Variants in ADAM22 observed in about 807,000 individuals in gnomAD.
ADAM22 encodes ADAM metallopeptidase domain 22.
ADAM22 carries 65 observed loss-of-function variants against 144.6 expected under a neutral mutation model. That is an observed-to-expected ratio of 0.45 (90% CI 0.37 to 0.55). The LOEUF is 0.55. Among genes scored for constraint, ADAM22 ranks in the 20% least tolerant of loss-of-function variants. The probability of loss-of-function intolerance (pLI) is 0.00; values close to 1 mark genes in which losing one functional copy is unlikely to be tolerated. For missense variants in ADAM22, 974 were observed against 1,184.9 expected, an observed-to-expected ratio of 0.82 and a Z score of 2.61; for synonymous variants, 391 against 412.6, an observed-to-expected ratio of 0.95 and a Z score of 0.63.
At chr7:87,985,285 C>T (rs923068676) in intron 3 of ADAM22, among the ~76,000 whole-genome samples, 1 of 151,396 alleles carries the variant, frequency 6.6e-6, no homozygotes, top group Non-Finnish European at 1.5e-5. Context: ...TGCACTTCAT[C>T]CTGGGCGACA....
At chr7:88,168,905 T>C (rs1484882957) in intron 25 of ADAM22, among the ~76,000 whole-genome samples, 1 of 152,194 alleles carries the variant, frequency 6.6e-6, no homozygotes, top group African/African-American at 2.4e-5. Context: ...AGCACATTTT[T>C]CCTCATGGAT....
rs759099326 is a variant in ADAM22, at chr7:88,119,679, G to A, written c.607+2865G>A. On this transcript the variant is annotated intron_variant, in intron 7 of 31. Transcript: ENST00000413139. ...AATTTTTGTATTTTTAGTAGAGACA[G>A]GGTTTCACCATGTTGGTCAGGCTGG... is the stretch of plus-strand genomic sequence containing the variant. Among the ~76,000 whole-genome samples, 189 of 152,288 alleles carry A rather than the reference G, an allele frequency of 1.2e-3. 1 individual carries two copies. Among genetic ancestry groups the A allele is most frequent in the Non-Finnish European group, 2.1e-3 (143 of 68,012 alleles).
chr7:88,181,688 C>A, intron 28 of ADAM22, 83 bp downstream of exon 28: 1 of 1,179,014 alleles, frequency 8.5e-7, no homozygotes, highest in Non-Finnish European at 1.2e-6. Context: ...ACTTTTATTT[C>A]TTTGAAGCTC....
At chr7:88,003,058 A>G (rs146953978) in intron 3 of ADAM22, among the ~76,000 whole-genome samples, 2 of 152,362 alleles carry the variant, frequency 1.3e-5, no homozygotes, top group East Asian at 3.9e-4. Flanking sequence ...GGATCAGAAT[A>G]AAAAGAGTTG....
chr7:88,006,440 C>T (rs1042724105), intron 3 of ADAM22, among the ~76,000 whole-genome samples: 6 of 151,976 alleles, frequency 3.9e-5, no homozygotes, highest in Non-Finnish European at 7.4e-5. Context: ...TGGGCAGAGA[C>T]ACAACCAAAA....
Position 88,184,447 on chromosome 7 carries a change from C to T in ADAM22, c.2664-2168C>T. ...TTCATTCTGGGCTGCCACTTAATCTCCTTACAAGTCCTTTCCTTGGCTGAG... is the reference window on the plus strand; with the variant it reads ...TTCATTCTGGGCTGCCACTTAATCTTCTTACAAGTCCTTTCCTTGGCTGAG... On this transcript the variant is annotated intron_variant, in intron 29 of 31. Transcript: ENST00000413139. 2 of 325,180 alleles carry T rather than the reference C, an allele frequency of 6.2e-6. 1 individual carries two copies. Among genetic ancestry groups the T allele is most frequent in the South Asian group, 4.4e-5 (2 of 45,080 alleles). 20.1% of individuals were successfully genotyped at this position (325,180 alleles called of 1,614,324 possible).
At chr7:88,082,113 A>G (rs895426762) in intron 4 of ADAM22, among the ~76,000 whole-genome samples, 2 of 152,222 alleles carry the variant, frequency 1.3e-5, no homozygotes, top group African/African-American at 4.8e-5. Flanking sequence ...TAACCAAAAC[A>G]GTATGGTACT....
intron 5 of ADAM22, among the ~76,000 whole-genome samples, chr7:88,113,551 A>C (rs1826622103): frequency 1.3e-5 from 2 of 149,678 alleles, no homozygotes; most frequent in African/African-American, 4.9e-5. Context: ...GGCCCTAGGA[A>C]GTGCCCACCT....
chr7:88,058,428 T>A (rs1053472415), intron 3 of ADAM22, among the ~76,000 whole-genome samples: 2 of 152,258 alleles, frequency 1.3e-5, no homozygotes, highest in African/African-American at 4.8e-5. Flanking sequence ...TGGTTATTTA[T>A]GCTTTATAGC....
chr7:87,997,475 A>G, intron 3 of ADAM22, among the ~76,000 whole-genome samples: 1 of 152,222 alleles, frequency 6.6e-6, no homozygotes, highest in Non-Finnish European at 1.5e-5. Flanking sequence ...TCACAGGCCT[A>G]AGTCATCTGG....
At chr7:88,192,849 A>G (rs1046892980) in intron 30 of ADAM22, among the ~76,000 whole-genome samples, 1 of 152,184 alleles carries the variant, frequency 6.6e-6, no homozygotes, top group Non-Finnish European at 1.5e-5. Flanking sequence ...TATCTATTCT[A>G]TAGGATACAT....
chr7:87,994,028 CAAT>C (rs973280429), intron 3 of ADAM22, among the ~76,000 whole-genome samples: 4 of 152,112 alleles, frequency 2.6e-5, no homozygotes, highest in South Asian at 2.1e-4. Context: ...TGTTTATAAT[CAAT>C]AATAATAATC....
chr7:88,037,769 C>T (rs192994708), intron 3 of ADAM22, among the ~76,000 whole-genome samples: 238 of 152,162 alleles, frequency 1.6e-3, no homozygotes, highest in African/African-American at 5.4e-3. Context: ...CTTTCTATAC[C>T]TTATACACAC....
rs777243451 is a variant in ADAM22, at chr7:88,150,965, G to A, written c.1567-16G>A. 6.2e-7 allele frequency: 1 copy of A among 1,607,968 alleles called. No homozygotes were observed. Among genetic ancestry groups the A allele is most frequent in the Non-Finnish European group, 8.5e-7 (1 of 1,175,002 alleles). On this transcript the variant is annotated splice_polypyrimidine_tract_variant and intron_variant, in intron 18 of 31. Coordinates refer to ENST00000413139, the MANE Select transcript of ADAM22 (RefSeq NM_001324418.2). ...TTTGCACTGCATTTCATTCATAGTT[G>A]TTCTCTTTTTCCTAGTGTGCCCCTA...
intron 6 of ADAM22, 39 bp from the exon 7 acceptor site, chr7:88,116,706 G>T: frequency 6.5e-7 from 1 of 1,541,540 alleles, no homozygotes; most frequent in Non-Finnish European, 9.0e-7. Flanking sequence ...AGATAATCCT[G>T]TTGTACATGC....
rs538566174 is a variant in ADAM22, at chr7:88,016,244, A to G, written c.323+37832A>G. On this transcript the variant is annotated intron_variant, in intron 3 of 31. Transcript: ENST00000413139. The stretch of plus-strand genomic sequence containing the variant: ...TTCTTGATTTTTTTCTAGGAATGTA[A>G]CATTTTCTAATTGTATTTCTGTTTT... 2.0e-5 allele frequency among the ~76,000 whole-genome samples: 3 copies of G among 152,280 alleles called. No homozygotes were observed. In the South Asian group the frequency reaches 6.2e-4, roughly 32 times the overall value.
At chr7:88,072,463 G>C (rs7799148) in intron 3 of ADAM22, among the ~76,000 whole-genome samples, 56,242 of 151,936 alleles carry the variant, frequency 0.37, 11,630 homozygotes, top group South Asian at 0.61. Flanking sequence ...TGACTTAGGT[G>C]ATTTTGATTT....
intron 3 of ADAM22, among the ~76,000 whole-genome samples, chr7:87,979,828 C>G (rs528365355): frequency 2.6e-5 from 4 of 152,212 alleles, no homozygotes; most frequent in African/African-American, 9.6e-5. Flanking sequence ...TTGAGACTAG[C>G]TTCTGAAAGC....
intron 3 of ADAM22, among the ~76,000 whole-genome samples, chr7:88,033,055 T>C (rs1800681562): frequency 6.6e-6 from 1 of 152,198 alleles, no homozygotes; most frequent in Non-Finnish European, 1.5e-5. Context: ...ATACATTTGG[T>C]TAAGTCATGT....
Sources: allele counts gnomAD v4.1 joint callset (sites outside exome capture counted in the v4.1 genomes callset), GRCh38; gene constraint gnomAD v4.1.1; transcripts MANE v1.5; gene names NCBI Gene and HGNC (gene_info 2026-07-23, HGNC 2026-07-21).